The following ATG16L2 variants were observed in gnomAD, a reference collection of about 807,000 sequenced individuals.
ATG16L2 encodes the protein autophagy related 16 like 2.
In ATG16L2, 77 loss-of-function variants were observed where a neutral mutation model predicts 84.7. The ratio of observed to expected loss-of-function variants is 0.91; its 90% CI spans 0.76 to 1.10. The LOEUF is 1.10. ATG16L2 is among the 50% of genes least tolerant of loss of function. The pLI is 0.00. For missense variants in ATG16L2, 782 were observed against 817.6 expected, an observed-to-expected ratio of 0.96 and a Z score of 0.53; for synonymous variants, 361 against 342.8, an observed-to-expected ratio of 1.05 and a Z score of -0.59.
chr11:72,828,430 T>C lies in ATG16L2; in HGVS notation c.1544T>C (p.Leu515Pro). The change falls in exon 15 of 18, where the codon CTG (leucine) becomes CCG (proline). Residue 515 changes from leucine to proline, a missense_variant. By Grantham distance (98) the Leu-to-Pro change is moderately conservative. Coordinates refer to ENST00000321297, the MANE Select transcript of ATG16L2 (RefSeq NM_033388.2). Reference sequence around the variant, plus strand: ...TCCCTGAGCCTCAGCCACGACCAACTGCACCTGCTCAGCTGTTCCCGAGAC... The same window carrying C: ...TCCCTGAGCCTCAGCCACGACCAACCGCACCTGCTCAGCTGTTCCCGAGAC... ...VTSLSLSHDQ[L>P]HLLSCSRDNT... The C allele has an allele frequency of 6.2e-7, 1 of 1,614,174 alleles. No individual in the cohort carries two copies. The highest frequency in any genetic ancestry group is 8.5e-7 in the Non-Finnish European group (1 of 1,180,028).
rs749797227 is a variant in ATG16L2 at position 72,826,788 on chromosome 11, G to A, written c.1331G>A (p.Arg444Gln). The change falls in exon 13 of 18, where the codon CGG becomes CAG. Residue 444 changes from arginine (R) to glutamine (Q), a missense_variant. Transcript: ENST00000321297. Reference protein sequence around the residue: ...RHQAVTGSRDRTVKEWDLGRA... With the variant: ...RHQAVTGSRDQTVKEWDLGRA... ...CAGGCAGTGACTGGGAGCCGCGACC[G>A]GACAGTGAAGGAGTGGGACCTCGGC... 4.0e-5 allele frequency: 65 copies of A among 1,613,888 alleles called. 1 individual carries two copies. The South Asian group carries it at 4.3e-4, about 11-fold the overall frequency.
chr11:72,823,041 G>C, intron 7 of ATG16L2, 80 bp downstream of exon 7: 1 of 1,018,318 alleles, frequency 9.8e-7, no homozygotes. Context: ...CTTGGACCTT[G>C]GAGCCAGCTC....
chr11:72,824,767 AG>A lies in ATG16L2; in HGVS notation c.922del (p.Ala308ProfsTer52). 1 of 1,613,400 alleles carries A rather than the reference AG, an allele frequency of 6.2e-7. No homozygotes were observed. Among genetic ancestry groups the A allele is most frequent in the Non-Finnish European group, 8.5e-7 (1 of 1,179,710 alleles). ...KKRRGHSIGG[A>X]PEQRYQIIPV... ...AGAGGAGAGGTCACTCAATTGGGGG[AG>A]CCCCTGAGCAGCGATACCAGATCAT... is the stretch of plus-strand genomic sequence containing the variant. On this transcript the variant is annotated frameshift_variant, in exon 9 of 18. Coordinates refer to ENST00000321297, the MANE Select transcript of ATG16L2 (RefSeq NM_033388.2). LOFTEE classifies it high-confidence loss of function.
chr11:72,842,695 C>T, exon 6 of ATG16L2: 1 of 1,614,032 alleles, frequency 6.2e-7, no homozygotes, highest in Non-Finnish European at 8.5e-7. Context: ...GATGGGAAAA[C>T]TCCAATACGC....
chr11:72,826,479 C>T (rs1860363535), intron 11 of ATG16L2, 39 bp from the exon 12 acceptor site: 2 of 1,612,226 alleles, frequency 1.2e-6, no homozygotes, highest in Non-Finnish European at 1.7e-6. Flanking sequence ...AATGTTGCCT[C>T]CGGCTTAGCA....
chr11:72,828,540 C>G lies in ATG16L2; in HGVS notation c.1622+32C>G, dbSNP rs747620490. ...GCCTCATGCCTGCTGACCCTGTGGC[C>G]TTTGCTGGGACAGCTGAGCCTCTCT... On this transcript the variant is annotated intron_variant, in intron 15 of 17. Coordinates refer to ENST00000321297, the MANE Select transcript of ATG16L2 (RefSeq NM_033388.2). 4 of 1,613,494 alleles carry G rather than the reference C, an allele frequency of 2.5e-6. No individual in the cohort carries two copies. In the African/African-American group the frequency reaches 5.3e-5, roughly 22 times the overall value.
intron 5 of ATG16L2, chr11:72,840,965 G>T: frequency 6.2e-7 from 1 of 1,607,892 alleles, no homozygotes; most frequent in Non-Finnish European, 8.5e-7. Flanking sequence ...TTTTTCTAAG[G>T]GAGAAAACCA....
At position 72,840,119 on chromosome 11, in the gene ATG16L2, C is replaced by A. The variant is rs143553457; in HGVS notation, c.*22-2498C>A. ...CTAATCGCTCCCTATATCCTTTCTG[C>A]CACCCTCCATCCATCCGCCTCTTAG... On this transcript the variant is annotated intron_variant, in intron 5 of 5. Coordinates refer to the ATG16L2 transcript ENST00000534905. Among the ~76,000 whole-genome samples the A allele has an allele frequency of 3.7e-3, 563 of 152,298 alleles. 2 individuals carry two copies. The highest frequency in any genetic ancestry group is 5.5e-3 in the Non-Finnish European group (371 of 68,022).
chr11:72,825,171 G>A, intron 9 of ATG16L2, 131 bp from the exon 10 acceptor site: 1 of 711,434 alleles, frequency 1.4e-6, no homozygotes, highest in Non-Finnish European at 2.4e-6. Context: ...AGTGTGGACA[G>A]AGAAACTGGG....
intron 3 of ATG16L2, chr11:72,821,097 G>A: frequency 2.2e-6 from 1 of 454,924 alleles, no homozygotes; most frequent in Non-Finnish European, 2.9e-6. Context: ...GACCAGCCTG[G>A]AGGGTGATGC....
In ATG16L2 at chr11:72,822,817, TG is replaced by T. The variant is rs761540055; in HGVS notation, c.711-29del. 1.7e-5 allele frequency: 25 copies of T among 1,505,558 alleles called. No homozygotes were observed. Among genetic ancestry groups the T allele is most frequent in the Non-Finnish European group, 2.1e-5 (23 of 1,114,104 alleles). 93.3% of individuals were successfully genotyped at this position (1,505,558 alleles called of 1,614,324 possible). A position where few individuals can be genotyped will look rare whatever the true frequency, so the allele number is the denominator to read the frequency against. ...GTCGGGAGGGGCTGGCTTGGTCCCTTGGCCTTTCTGAACTTCATTACCTCTC... is the reference window on the plus strand; with the variant it reads ...GTCGGGAGGGGCTGGCTTGGTCCCTTGCCTTTCTGAACTTCATTACCTCTC... On this transcript the variant is annotated intron_variant, in intron 6 of 17. Coordinates refer to ENST00000321297, the MANE Select transcript of ATG16L2 (RefSeq NM_033388.2). The surrounding 1 kb of genome is among the most constrained non-coding windows in gnomAD (Gnocchi z 4.2).
intron 1 of ATG16L2, among the ~76,000 whole-genome samples, chr11:72,814,814 G>C (rs1859610558): frequency 6.6e-6 from 1 of 152,230 alleles, no homozygotes; most frequent in Non-Finnish European, 1.5e-5. Flanking sequence ...CCTCCCACAA[G>C]CTGGGCTTCC....
At chr11:72,833,457 T>G (rs966000755), downstream of ATG16L2, among the ~76,000 whole-genome samples, 3 of 152,208 alleles carry the variant, frequency 2.0e-5, no homozygotes, top group Non-Finnish European at 4.4e-5. Context: ...GGGATGAGCC[T>G]CAAGTCACAG....
chr11:72,842,594 AATTCAAC>A, intron 5 of ATG16L2: 1 of 1,612,932 alleles, frequency 6.2e-7, no homozygotes, highest in Non-Finnish European at 8.5e-7. Context: ...AACATCTTTT[AATTCAAC>A]TGTCTCCCCT....
At chr11:72,837,630 T>G (rs1357669350) in intron 5 of ATG16L2, 1 of 152,254 alleles carries the variant, frequency 6.6e-6, no homozygotes, top group Non-Finnish European at 1.5e-5. Context: ...TGGCTTTCCC[T>G]GTGACACACA....
At chr11:72,819,907 G>T (rs564452467) in intron 3 of ATG16L2, among the ~76,000 whole-genome samples, 78 of 152,000 alleles carry the variant, frequency 5.1e-4, no homozygotes, top group Non-Finnish European at 9.1e-4. Flanking sequence ...CACCATGCCC[G>T]GCTAATTTTT....
chr11:72,822,040 C>A lies in ATG16L2; in HGVS notation c.393-4C>A, dbSNP rs774298944. The A allele has an allele frequency of 9.8e-5, 147 of 1,493,746 alleles. No individual in the cohort carries two copies. Among genetic ancestry groups the A allele is most frequent in the Non-Finnish European group, 1.2e-4 (141 of 1,138,478 alleles). The allele number at this position is 1,493,746 out of a possible 1,614,324, so 92.5% of individuals were successfully genotyped here. ...ACCCGCTATCCGCTCTTTCCGTCCTCCAGGCTGGCAGCCCTGGAGGCCCGC... is the reference window on the plus strand; with the variant it reads ...ACCCGCTATCCGCTCTTTCCGTCCTACAGGCTGGCAGCCCTGGAGGCCCGC... On this transcript the variant is annotated splice_polypyrimidine_tract_variant and splice_region_variant and intron_variant, in intron 4 of 17. Coordinates refer to ENST00000321297, the MANE Select transcript of ATG16L2 (RefSeq NM_033388.2). The surrounding 1 kb of genome is among the most constrained non-coding windows in gnomAD (Gnocchi z 4.2).
chr11:72,832,912 C>A (rs1282793359), downstream of ATG16L2, among the ~76,000 whole-genome samples: 3 of 152,218 alleles, frequency 2.0e-5, no homozygotes, highest in African/African-American at 7.2e-5. Flanking sequence ...CATATCCCCA[C>A]CTGTGAAACT....
downstream of ATG16L2, among the ~76,000 whole-genome samples, chr11:72,831,480 G>A (rs1860604847): frequency 2.0e-5 from 3 of 152,182 alleles, no homozygotes; most frequent in Admixed American, 2.0e-4. Context: ...ACTCTAGCCT[G>A]GGCAACGAGA....
Sources: gnomAD v4.1 joint callset for allele counts (sites outside exome capture counted in the v4.1 genomes callset) on GRCh38, gnomAD v4.1.1 for gene constraint, Gnocchi (gnomAD v3.1) non-coding constraint, MANE v1.5 for transcripts, NCBI Gene and HGNC (gene_info 2026-07-23, HGNC 2026-07-21) for gene names.